Variants in MAST4 observed in about 807,000 individuals in gnomAD.
MAST4 encodes microtubule associated serine/threonine kinase family member 4, also known as microtubule-associated serine/threonine-protein kinase 4.
MAST4 carries 89 observed loss-of-function variants against 162.7 expected under a neutral mutation model. The observed-to-expected ratio is 0.55, with a 90% CI of 0.46 to 0.65. MAST4 has a LOEUF of 0.65. MAST4 is among the 30% of genes least tolerant of loss of function. The pLI is 0.00. For synonymous variants in MAST4, 1,479 were observed against 1,361.1 expected, an observed-to-expected ratio of 1.09 and a Z score of -1.91; for missense variants, 3,153 against 3,374.0, an observed-to-expected ratio of 0.93 and a Z score of 1.62.
At chr5:66,705,402 AT>A (rs1224473880) in intron 1 of MAST4, among the ~76,000 whole-genome samples, 2 of 152,146 alleles carry the variant, frequency 1.3e-5, no homozygotes, top group Non-Finnish European at 2.9e-5. Context: ...GCATATAGGG[AT>A]TTTTTTAAAG....
intron 3 of MAST4, among the ~76,000 whole-genome samples, chr5:66,810,231 GT>G (rs1322034062): frequency 2.0e-5 from 3 of 152,148 alleles, no homozygotes; most frequent in Non-Finnish European, 2.9e-5. Flanking sequence ...GTGTTGTGTT[GT>G]ATTAAATGAT....
intron 1 of MAST4, among the ~76,000 whole-genome samples, chr5:66,647,108 C>T (rs776075628): frequency 9.2e-5 from 14 of 152,128 alleles, no homozygotes; most frequent in Non-Finnish European, 1.6e-4. Context: ...AATGTTAGTG[C>T]TTTGTATACT....
At chr5:66,628,175 G>C (rs949973516) in intron 1 of MAST4, among the ~76,000 whole-genome samples, 5 of 151,972 alleles carry the variant, frequency 3.3e-5, no homozygotes, top group Admixed American at 6.6e-5. Flanking sequence ...TAGGACTATA[G>C]GCACACGCCA....
chr5:67,027,787 A>C (rs1754839831), intron 4 of MAST4, among the ~76,000 whole-genome samples: 1 of 152,190 alleles, frequency 6.6e-6, no homozygotes, highest in South Asian at 2.1e-4. Context: ...ACTCTTTAGG[A>C]TAGGATCTGT....
Position 67,078,087 on chromosome 5 carries a change from A to G in MAST4, c.764-12075A>G, listed in dbSNP as rs577885693. Reference sequence around the variant, plus strand: ...GCACTCCAGCCTGGGCAACGAGGGCAAAACTCTTCTCTCAAAAATAAATAA... The same window carrying G: ...GCACTCCAGCCTGGGCAACGAGGGCGAAACTCTTCTCTCAAAAATAAATAA... On this transcript the variant is annotated intron_variant, in intron 5 of 28. Transcript: ENST00000403625. Among the ~76,000 whole-genome samples the G allele has an allele frequency of 4.6e-5, 7 of 152,326 alleles. No homozygotes were observed. In the East Asian group the frequency reaches 1.3e-3, roughly 29 times the overall value.
chr5:67,118,894 GA>G (rs1767244661), intron 13 of MAST4, 145 bp downstream of exon 13: 1 of 583,714 alleles, frequency 1.7e-6, no homozygotes, highest in East Asian at 2.8e-5. Flanking sequence ...GATCTATGAA[GA>G]AAAAAGACCA....
At chr5:67,144,632 A>G in intron 21 of MAST4, 37 bp from the exon 22 acceptor site, 1 of 1,601,774 alleles carries the variant, frequency 6.2e-7, no homozygotes, top group Non-Finnish European at 8.5e-7. Flanking sequence ...AACTCTTTTT[A>G]GTAGATATTA....
At chr5:66,836,363 G>A (rs1265821111) in intron 3 of MAST4, among the ~76,000 whole-genome samples, 1 of 152,068 alleles carries the variant, frequency 6.6e-6, no homozygotes, top group Admixed American at 6.6e-5. Flanking sequence ...AAATTAGTTC[G>A]GCCACTGTGG....
At chr5:66,610,929 A>G (rs1044726595) in intron 1 of MAST4, among the ~76,000 whole-genome samples, 1 of 152,244 alleles carries the variant, frequency 6.6e-6, no homozygotes, top group East Asian at 1.9e-4. Context: ...ACACAAAGCT[A>G]AATGTCTCCT....
At position 67,164,895 on chromosome 5, in the gene MAST4, A is replaced by C; in HGVS notation, c.5716A>C (p.Thr1906Pro). Residue 1906 changes from threonine to proline, a missense_variant, in exon 29 of 29, where the codon ACT (threonine) becomes CCT (proline). Physicochemically the swap from Thr to Pro is conservative, Grantham distance 38. Transcript: ENST00000403625. The surrounding 1 kb of genome is among the most constrained non-coding windows in gnomAD (Gnocchi z 5.3). ...FKRDRKGPHP[T>P]ARSPGTVMES... Reference sequence around the variant, plus strand: ...GAGGGACAGGAAAGGTCCCCATCCTACTGCCAGGAGCCCTGGAACAGTCAT... The same window carrying C: ...GAGGGACAGGAAAGGTCCCCATCCTCCTGCCAGGAGCCCTGGAACAGTCAT... 3 of 1,613,972 alleles carry C rather than the reference A, an allele frequency of 1.9e-6. No individual in the cohort carries two copies. The highest frequency in any genetic ancestry group is 2.5e-6 in the Non-Finnish European group (3 of 1,179,894).
chr5:66,628,183 C>T (rs1383029369), intron 1 of MAST4, among the ~76,000 whole-genome samples: 1 of 152,018 alleles, frequency 6.6e-6, no homozygotes, highest in Non-Finnish European at 1.5e-5. Context: ...TAGGCACACG[C>T]CACCACACTG....
At chr5:66,934,558 A>G (rs1398805705) in intron 4 of MAST4, among the ~76,000 whole-genome samples, 1 of 151,278 alleles carries the variant, frequency 6.6e-6, no homozygotes, top group East Asian at 1.9e-4. Context: ...AAAATGTATT[A>G]AGTATTCATA....
chr5:66,810,960 A>G (rs1480465914), intron 3 of MAST4, among the ~76,000 whole-genome samples: 1 of 152,230 alleles, frequency 6.6e-6, no homozygotes, highest in Non-Finnish European at 1.5e-5. Context: ...CAGAATGACC[A>G]CATCCTTTCC....
chr5:66,676,322 C>G (rs1334651028), intron 1 of MAST4, among the ~76,000 whole-genome samples: 3 of 152,164 alleles, frequency 2.0e-5, no homozygotes, highest in Non-Finnish European at 4.4e-5. Context: ...TTGATGGAAA[C>G]TAGTAACTTG....
intron 4 of MAST4, among the ~76,000 whole-genome samples, chr5:66,942,959 C>G (rs1277756100): frequency 1.3e-5 from 2 of 152,056 alleles, no homozygotes; most frequent in African/African-American, 4.8e-5. Flanking sequence ...AGATGGCCAT[C>G]TTCTTGCTAT....
chr5:67,119,379 C>T (rs1767304009), intron 13 of MAST4, among the ~76,000 whole-genome samples: 1 of 152,100 alleles, frequency 6.6e-6, no homozygotes, highest in Non-Finnish European at 1.5e-5. Context: ...TGGTGCCATT[C>T]TCCTCAATTG....
chr5:67,132,551 A>G (rs13155285), intron 16 of MAST4, among the ~76,000 whole-genome samples: 1 of 152,142 alleles, frequency 6.6e-6, no homozygotes, highest in South Asian at 2.1e-4. Flanking sequence ...GTTACATTCT[A>G]TGTTACTCAC....
intron 2 of MAST4, among the ~76,000 whole-genome samples, chr5:66,772,877 G>C (rs901104918): frequency 1.3e-5 from 2 of 152,146 alleles, no homozygotes; most frequent in Non-Finnish European, 2.9e-5. Flanking sequence ...CATGGTGAGG[G>C]AGGGAAAGTC....
intron 4 of MAST4, among the ~76,000 whole-genome samples, chr5:67,003,629 TTTAAA>T (rs1253536576): frequency 5.9e-5 from 9 of 152,344 alleles, no homozygotes; most frequent in Admixed American, 5.2e-4. Context: ...AGGCAGCTAA[TTTAAA>T]TTATATTTTT....
Sources: gnomAD v4.1 joint callset for allele counts (sites outside exome capture counted in the v4.1 genomes callset) on GRCh38, gnomAD v4.1.1 for gene constraint, Gnocchi (gnomAD v3.1) non-coding constraint, MANE v1.5 for transcripts, NCBI Gene and HGNC (gene_info 2026-07-23, HGNC 2026-07-21) for gene names.